The following NAALADL2 variants were observed in gnomAD, a reference collection of about 807,000 sequenced individuals.
NAALADL2 encodes inactive N-acetylated-alpha-linked acidic dipeptidase-like protein 2.
A neutral mutation model predicts 87.2 loss-of-function variants in NAALADL2; 76 were observed. That is an observed-to-expected ratio of 0.87 (90% CI 0.72 to 1.05). NAALADL2 has a LOEUF of 1.05. Among genes scored for constraint, NAALADL2 ranks in the 50% least tolerant of loss-of-function variants. The pLI is 0.00. For synonymous variants in NAALADL2, 354 were observed against 331.0 expected (o/e 1.07, Z -0.75); for missense variants, 1,089 against 945.8 (o/e 1.15, Z -1.99).
intron 11 of NAALADL2, among the ~76,000 whole-genome samples, chr3:175,697,537 T>A (rs1306815737): frequency 6.6e-6 from 1 of 151,658 alleles, no homozygotes; most frequent in Non-Finnish European, 1.5e-5. Context: ...GAGGGTGTAT[T>A]GTTACTTTTG....
chr3:175,648,434 C>T (rs1264981651), intron 11 of NAALADL2, among the ~76,000 whole-genome samples: 1 of 150,792 alleles, frequency 6.6e-6, no homozygotes, highest in East Asian at 1.9e-4. Context: ...GAATTTGGAA[C>T]TATAGTACCC....
At chr3:175,396,902 C>G (rs1769872044) in intron 5 of NAALADL2, among the ~76,000 whole-genome samples, 2 of 152,106 alleles carry the variant, frequency 1.3e-5, no homozygotes, top group Non-Finnish European at 2.9e-5. Context: ...GAGGCCTCCC[C>G]AACCCTGCAG....
chr3:174,670,402 G>A lies in NAALADL2; in HGVS notation c.-114-67239G>A, dbSNP rs77395351. On this transcript the variant is annotated intron_variant, in intron 2 of 3. Transcript: ENST00000434257. ...GAAAACCACAAGAGTTTTATTGTTG[G>A]CTGTACTTTTCTTTTTCCATTGATA... 6.9e-3 allele frequency among the ~76,000 whole-genome samples: 1,054 copies of A among 151,936 alleles called. 13 individuals carry two copies. Among genetic ancestry groups the A allele is most frequent in the African/African-American group, 0.024 (1,012 of 41,482 alleles).
intron 9 of NAALADL2, among the ~76,000 whole-genome samples, chr3:175,567,873 A>G (rs9856228): frequency 2.0e-5 from 3 of 150,756 alleles, no homozygotes; most frequent in Non-Finnish European, 4.4e-5. Flanking sequence ...GTGTCATAAC[A>G]CCCCGCTAAT....
chr3:175,232,527 C>T (rs1331090504), intron 2 of NAALADL2, among the ~76,000 whole-genome samples: 2 of 152,102 alleles, frequency 1.3e-5, no homozygotes, highest in African/African-American at 2.4e-5. Flanking sequence ...CTGGGCCACA[C>T]ATAAAATACA....
At chr3:175,357,534 G>C (rs1363480649) in intron 5 of NAALADL2, among the ~76,000 whole-genome samples, 2 of 151,920 alleles carry the variant, frequency 1.3e-5, no homozygotes, top group African/African-American at 4.8e-5. Flanking sequence ...TTCTTTATTT[G>C]GTATCATATT....
chr3:174,661,340 G>T (rs1270612816), intron 2 of NAALADL2, among the ~76,000 whole-genome samples: 1 of 152,140 alleles, frequency 6.6e-6, no homozygotes, highest in East Asian at 1.9e-4. Flanking sequence ...TATTAAAGAA[G>T]AACTGTTTGA....
chr3:175,307,207 T>TA (rs1240641233), intron 4 of NAALADL2, among the ~76,000 whole-genome samples: 1 of 151,794 alleles, frequency 6.6e-6, no homozygotes, highest in Admixed American at 6.6e-5. Flanking sequence ...ATAAGAAAAA[T>TA]AATGAGTAAT....
chr3:174,896,088 A>G (rs999272885), intron 1 of NAALADL2, among the ~76,000 whole-genome samples: 2 of 152,168 alleles, frequency 1.3e-5, no homozygotes. Context: ...CTAGTATACA[A>G]AAAACTGAAA....
intron 10 of NAALADL2, among the ~76,000 whole-genome samples, chr3:175,625,546 G>A (rs927187368): frequency 1.3e-5 from 2 of 151,954 alleles, no homozygotes; most frequent in African/African-American, 4.8e-5. Context: ...CATGTTGAGA[G>A]TAGATAGATG....
chr3:174,654,535 T>G (rs949358463), intron 2 of NAALADL2, among the ~76,000 whole-genome samples: 3 of 152,060 alleles, frequency 2.0e-5, no homozygotes, highest in Non-Finnish European at 4.4e-5. Context: ...ATCTTTATAT[T>G]TTAGTAAGCA....
intron 2 of NAALADL2, among the ~76,000 whole-genome samples, chr3:174,727,038 G>T (rs1336772418): frequency 6.6e-6 from 1 of 151,852 alleles, no homozygotes; most frequent in Non-Finnish European, 1.5e-5. Context: ...AGATTCTAGG[G>T]ATGAATCAGG....
chr3:175,598,139 T>C (rs188565449), intron 10 of NAALADL2, among the ~76,000 whole-genome samples: 1 of 152,166 alleles, frequency 6.6e-6, no homozygotes, highest in East Asian at 1.9e-4. Flanking sequence ...AATTATTTTA[T>C]AAATCATCAA....
At chr3:174,536,499 A>T (rs1477931532) in intron 1 of NAALADL2, 2 of 152,104 alleles carry the variant, frequency 1.3e-5, no homozygotes, top group East Asian at 3.9e-4. Flanking sequence ...TGTCGTTTTG[A>T]GTGAGTGTAC....
At chr3:175,009,560 GCTGC>G (rs1749507980) in intron 1 of NAALADL2, among the ~76,000 whole-genome samples, 1 of 152,076 alleles carries the variant, frequency 6.6e-6, no homozygotes, top group African/African-American at 2.4e-5. Flanking sequence ...AATTTACTCT[GCTGC>G]CTTTGGAAGA....
chr3:175,480,783 G>A (rs1387900459), intron 9 of NAALADL2, among the ~76,000 whole-genome samples: 1 of 151,824 alleles, frequency 6.6e-6, no homozygotes, highest in East Asian at 1.9e-4. Flanking sequence ...TGCTGCTCTA[G>A]TTTGATAAAG....
intron 5 of NAALADL2, among the ~76,000 whole-genome samples, chr3:175,403,947 G>A (rs1711828877): frequency 6.6e-6 from 1 of 152,050 alleles, no homozygotes; most frequent in South Asian, 2.1e-4. Context: ...CTTTCTTCCA[G>A]GTCTTGGGAA....
At chr3:174,743,939 C>T (rs1005067929) in intron 3 of NAALADL2, among the ~76,000 whole-genome samples, 1 of 151,816 alleles carries the variant, frequency 6.6e-6, no homozygotes, top group African/African-American at 2.4e-5. Context: ...CCCCTTTTAG[C>T]AGTGTTGTAT....
At chr3:174,845,232 G>A (rs9872466) in intron 3 of NAALADL2, among the ~76,000 whole-genome samples, 52,650 of 151,958 alleles carry the variant, frequency 0.35, 9,364 homozygotes, top group East Asian at 0.48. Flanking sequence ...CAGGCTGGCT[G>A]TTTTGTTGCT....
Sources: gnomAD v4.1 joint callset for allele counts (sites outside exome capture counted in the v4.1 genomes callset) on GRCh38, gnomAD v4.1.1 for gene constraint, MANE v1.5 for transcripts, NCBI Gene and HGNC (gene_info 2026-07-23, HGNC 2026-07-21) for gene names.